The following LAMA5 variants were observed in gnomAD, a reference collection of about 807,000 sequenced individuals.
LAMA5 encodes the protein laminin subunit alpha 5, also known as laminin subunit alpha-5.
In LAMA5, 260 loss-of-function variants were observed where a neutral mutation model predicts 433.4. That is an observed-to-expected ratio of 0.60 (90% CI 0.54 to 0.66). The LOEUF is 0.66. LAMA5 is among the 30% of genes least tolerant of loss of function. The pLI, the probability that LAMA5 is intolerant of heterozygous loss-of-function variation, is 0.00. For synonymous variants in LAMA5, 2,620 were observed against 2,226.6 expected, an observed-to-expected ratio of 1.18 and a Z score of -4.97; for missense variants, 5,378 against 5,258.5, an observed-to-expected ratio of 1.02 and a Z score of -0.70.
Position 62,312,411 on chromosome 20 carries a change from C to T in LAMA5, c.9349G>A (p.Ala3117Thr), listed in dbSNP as rs372181940. 38 of 1,597,800 alleles carry T rather than the reference C, an allele frequency of 2.4e-5. No individual in the cohort carries two copies. Among genetic ancestry groups the T allele is most frequent in the East Asian group, 1.8e-4 (8 of 44,852 alleles). The change falls in exon 68 of 80, where the codon GCC becomes ACC. Residue 3117 changes from alanine to threonine, a missense_variant. Ala to Thr is a moderately conservative substitution (Grantham distance 58). Transcript: ENST00000252999. ...GGAGGGCTGCTCACCAGCAGGTCGG[C>T]GGTGCAGCCGGCGCTCACGCCTGTC... Reference protein sequence around the residue: ...NTTGVSAGCTADLLVGRAMTF... With the variant: ...NTTGVSAGCTTDLLVGRAMTF...
intron 70 of LAMA5, 27 bp downstream of exon 70, chr20:62,311,893 C>T (rs1374335597): frequency 1.8e-5 from 29 of 1,584,000 alleles, no homozygotes; most frequent in East Asian, 4.6e-5. Context: ...CAGACCTTCA[C>T]GATGAGGGCC....
intron 1 of LAMA5, among the ~76,000 whole-genome samples, chr20:62,365,700 T>A (rs1986644795): frequency 6.6e-6 from 1 of 152,112 alleles, no homozygotes; most frequent in Admixed American, 6.5e-5. Flanking sequence ...GCACCCAGGT[T>A]CCCACAGCTA....
intron 2 of LAMA5, among the ~76,000 whole-genome samples, chr20:62,357,942 C>T (rs541858254): frequency 5.3e-5 from 8 of 152,226 alleles, no homozygotes; most frequent in Admixed American, 2.0e-4. Context: ...GATGGTCAGC[C>T]GGGGACACAG....
At chr20:62,333,852 G>GTGGGGTGGGC (rs1555879234) in intron 23 of LAMA5, 49 bp downstream of exon 23, 19,972 of 1,432,196 alleles carry the variant, frequency 0.014, 178 homozygotes, top group South Asian at 0.027. Context: ...GTGGGGTGGG[G>GTGGGGTGGGC]TGGGCTGGGC....
chr20:62,336,577 C>A, intron 17 of LAMA5, 132 bp from the exon 18 acceptor site: 1 of 1,117,484 alleles, frequency 8.9e-7, no homozygotes. Flanking sequence ...GAGTCACCTG[C>A]AGTGGGGGCA....
intron 1 of LAMA5, among the ~76,000 whole-genome samples, chr20:62,366,131 C>A (rs1405760804): frequency 6.6e-6 from 1 of 152,224 alleles, no homozygotes; most frequent in Non-Finnish European, 1.5e-5. Context: ...GGGCCTAGAG[C>A]GGCCGGTTGG....
intron 11 of LAMA5, among the ~76,000 whole-genome samples, chr20:62,339,436 CTA>C (rs1279234036): frequency 1.3e-5 from 2 of 151,966 alleles, no homozygotes; most frequent in Admixed American, 1.3e-4. Flanking sequence ...CGGGGTTTCA[CTA>C]TGTTAGCCAG....
chr20:62,323,192 G>A (rs1434463061), intron 45 of LAMA5, among the ~76,000 whole-genome samples: 1 of 147,556 alleles, frequency 6.8e-6, no homozygotes, highest in Non-Finnish European at 1.5e-5. Context: ...GATTGTAGTA[G>A]GGAGAAAGGG....
chr20:62,330,485 C>T lies in LAMA5; in HGVS notation c.3979+3G>A. The T allele has an allele frequency of 6.5e-7, 1 of 1,543,940 alleles. No individual in the cohort carries two copies. The highest frequency in any genetic ancestry group is 8.7e-7 in the Non-Finnish European group (1 of 1,143,106). ...CTCTCCACCCCCCACACCAGACACT[C>T]ACCCTGCCACACGCGGCCGGCGTTG... On this transcript the variant is annotated splice_donor_region_variant and intron_variant, in intron 31 of 79. Coordinates refer to ENST00000252999, the MANE Select transcript of LAMA5 (RefSeq NM_005560.6).
Position 62,359,438 on chromosome 20 carries a change from T to G in LAMA5, c.450+2962A>C, listed in dbSNP as rs926467495. Among the ~76,000 whole-genome samples, 49 of 151,588 alleles carry G rather than the reference T, an allele frequency of 3.2e-4. No individual in the cohort carries two copies. The highest frequency in any genetic ancestry group is 1.2e-3 in the African/African-American group (49 of 41,212). On this transcript the variant is annotated intron_variant, in intron 2 of 79. Transcript: ENST00000252999. This position sits in a 1 kb window ranked among gnomAD's most constrained non-coding sequence, Gnocchi z 4.3. ...CTCAAGCCAGGACCCGCTGGCCATGTGCCTGGGCAGTCATGAACGCGCTCA... is the reference window on the plus strand; with the variant it reads ...CTCAAGCCAGGACCCGCTGGCCATGGGCCTGGGCAGTCATGAACGCGCTCA...
rs375448376 is a variant in LAMA5, at chr20:62,315,928, C to T, written c.7867+20G>A. 299 of 1,550,756 alleles carry T rather than the reference C, an allele frequency of 1.9e-4. No homozygotes were observed. Among genetic ancestry groups the T allele is most frequent in the Non-Finnish European group, 2.3e-4 (263 of 1,146,456 alleles). On this transcript the variant is annotated intron_variant, in intron 58 of 79. Transcript: ENST00000252999. ...CTCATGGTCGGCCGGCTGCGAGAGC[C>T]GGGCCCAGGCTCCGCATACCTGTGT...
At position 62,322,276 on chromosome 20, in the gene LAMA5, G is replaced by T; in HGVS notation, c.6339C>A (p.Gly2113=). ...TGACCGGCCAGCACTCACGCCTGCA[G>T]CCCTGCTCAGGGAGCCCCCAGTAGC... ...APGYWGLPEQ[G]CRRCQCPGGR... Residue 2113 remains glycine, a synonymous_variant, in exon 47 of 80, where the codon GGC becomes GGA. Transcript: ENST00000252999. 6.3e-7 allele frequency: 1 copy of T among 1,596,566 alleles called. No homozygotes were observed.
chr20:62,309,896 A>C, intron 78 of LAMA5, 61 bp from the exon 79 acceptor site: 7 of 1,606,340 alleles, frequency 4.4e-6, no homozygotes, highest in Non-Finnish European at 5.9e-6. Context: ...CTCCAGCCCC[A>C]AAAGAAGCCA....
intron 1 of LAMA5, among the ~76,000 whole-genome samples, chr20:62,363,764 G>A (rs376024444): frequency 2.0e-4 from 30 of 152,146 alleles, no homozygotes; most frequent in African/African-American, 6.0e-4. Context: ...CAGGAGCTGG[G>A]GAGATGCCTT....
At chr20:62,360,741 T>C (rs958810487) in intron 2 of LAMA5, among the ~76,000 whole-genome samples, 4 of 150,276 alleles carry the variant, frequency 2.7e-5, no homozygotes, top group African/African-American at 9.8e-5. Context: ...TTACAGTTGG[T>C]GAAACTGAGG....
rs1355199548 is a variant in LAMA5 at position 62,312,543 on chromosome 20, G to A, written c.9228-11C>T. 1 of 1,599,098 alleles carries A rather than the reference G, an allele frequency of 6.3e-7. No homozygotes were observed. Among genetic ancestry groups the A allele is most frequent in the East Asian group, 2.2e-5 (1 of 44,828 alleles). On this transcript the variant is annotated splice_polypyrimidine_tract_variant and intron_variant, in intron 67 of 79. Transcript: ENST00000252999. ...AAGAGCCGTCGCAGGCTGTGGGGAAGCGGGGATGCGGGTCAGGGCGCCACC... is the reference window on the plus strand; with the variant it reads ...AAGAGCCGTCGCAGGCTGTGGGGAAACGGGGATGCGGGTCAGGGCGCCACC...
At position 62,332,578 on chromosome 20, in the gene LAMA5, G is replaced by A. The variant is rs780103482; in HGVS notation, c.3422C>T (p.Ser1141Phe). The change falls in exon 27 of 80, where the codon TCC becomes TTC. Residue 1141 changes from serine (S) to phenylalanine (F), a missense_variant. Transcript: ENST00000252999. ...PQRAPQQGLL[S>F]LHPCLYSTLC... ...TCACCTGTACAGGCAGGGGTGCAGGGAGAGCAGCCCCTGCTGGGGGGCCCG... is the reference window on the plus strand; with the variant it reads ...TCACCTGTACAGGCAGGGGTGCAGGAAGAGCAGCCCCTGCTGGGGGGCCCG... 5 of 1,594,382 alleles carry A rather than the reference G, an allele frequency of 3.1e-6. No homozygotes were observed. In the East Asian group the frequency reaches 1.1e-4, roughly 36 times the overall value.
chr20:62,319,948 C>T (rs1241991134), intron 50 of LAMA5, among the ~76,000 whole-genome samples, 153 bp from the exon 51 acceptor site: 1 of 152,228 alleles, frequency 6.6e-6, no homozygotes, highest in African/African-American at 2.4e-5. Flanking sequence ...TTATTTATCA[C>T]TTGTTAGTTA....
rs1443473819 is a variant in LAMA5, at chr20:62,333,498, G to A, written c.3022-17C>T. On this transcript the variant is annotated splice_polypyrimidine_tract_variant and intron_variant, in intron 24 of 79. Coordinates refer to ENST00000252999, the MANE Select transcript of LAMA5 (RefSeq NM_005560.6). ...CACGTAGTCCTGCAGGGTGGAGGTG[G>A]TGCTGAGAGTGGTGGGCCCCACCCC... 6.2e-7 allele frequency: 1 copy of A among 1,605,046 alleles called. No individual in the cohort carries two copies. The highest frequency in any genetic ancestry group is 8.5e-7 in the Non-Finnish European group (1 of 1,176,470).
Sources: allele counts gnomAD v4.1 joint callset (sites outside exome capture counted in the v4.1 genomes callset), GRCh38; gene constraint gnomAD v4.1.1; non-coding constraint Gnocchi (gnomAD v3.1); transcripts MANE v1.5; gene names NCBI Gene and HGNC (gene_info 2026-07-23, HGNC 2026-07-21).